SPAG16: variants seen among roughly 807,000 people sequenced by gnomAD.
The protein encoded by SPAG16 is sperm-associated antigen 16 protein.
SPAG16 carries 86 observed loss-of-function variants against 80.4 expected under a neutral mutation model. The ratio of observed to expected loss-of-function variants is 1.07; its 90% CI spans 0.90 to 1.28. The LOEUF (loss-of-function observed/expected upper bound fraction) is 1.28. Among genes scored for constraint, SPAG16 ranks in the 50% most tolerant of loss-of-function variants. The pLI is 0.00. For missense variants in SPAG16, 870 were observed against 765.3 expected, an observed-to-expected ratio of 1.14 and a Z score of -1.61; for synonymous variants, 294 against 265.9, an observed-to-expected ratio of 1.11 and a Z score of -1.03.
At chr2:213,347,582 T>C (rs537877875) in intron 6 of SPAG16, among the ~76,000 whole-genome samples, 8 of 152,344 alleles carry the variant, frequency 5.3e-5, no homozygotes, top group African/African-American at 1.4e-4. Context: ...TCTGGTATGT[T>C]GTATCTTTGT....
Position 214,013,991 on chromosome 2 carries a change from G to T in SPAG16, c.1441G>T (p.Val481Leu). ...TACTTTGTATGGACATACAGATTCT[G>T]TGAACAGCATTGAGTTTTTTCCTTT... is the stretch of plus-strand genomic sequence containing the variant. ...RCTLYGHTDSVNSIEFFPFSN... is the reference protein window; with the variant it reads ...RCTLYGHTDSLNSIEFFPFSN... The change falls in exon 13 of 16, where the codon GTG (valine) becomes TTG (leucine). Residue 481 changes from valine (V) to leucine (L), a missense_variant. Transcript: ENST00000331683. The T allele has an allele frequency of 6.2e-7, 1 of 1,613,504 alleles. No homozygotes were observed. The highest frequency in any genetic ancestry group is 8.5e-7 in the Non-Finnish European group (1 of 1,179,728).
intron 15 of SPAG16, among the ~76,000 whole-genome samples, chr2:214,221,453 A>G (rs72944072): frequency 0.031 from 4,704 of 152,230 alleles, 139 homozygotes; most frequent in Non-Finnish European, 0.041. Flanking sequence ...ACATAGACAC[A>G]TCCATTTTAT....
intron 15 of SPAG16, among the ~76,000 whole-genome samples, chr2:214,182,411 A>G (rs550616832): frequency 6.6e-6 from 1 of 151,992 alleles, no homozygotes; most frequent in African/African-American, 2.4e-5. Flanking sequence ...TGAATAATGA[A>G]CAGATGGACT....
At position 214,311,192 on chromosome 2, in the gene SPAG16, C is replaced by A. The variant is rs139670282; in HGVS notation, c.1721-98948C>A. 7.1e-3 allele frequency among the ~76,000 whole-genome samples: 1,080 copies of A among 152,206 alleles called. 10 individuals carry two copies. Among genetic ancestry groups the A allele is most frequent in the African/African-American group, 0.025 (1,043 of 41,534 alleles). On this transcript the variant is annotated intron_variant, in intron 15 of 15. Transcript: ENST00000331683. The stretch of plus-strand genomic sequence containing the variant: ...GAGGAGCGCTTTGGCAGTCTGCATT[C>A]CCCCTCTCTCCCTCTCTCTAGGGTC...
chr2:213,364,480 A>G lies in SPAG16; in HGVS notation c.832+335A>G, dbSNP rs1398748044. On this transcript the variant is annotated intron_variant, in intron 8 of 15. Coordinates refer to ENST00000331683, the MANE Select transcript of SPAG16 (RefSeq NM_024532.5). ...GAAAACAGACAGCTCAAGTAACAGA[A>G]GGCAATTGACAGAAGGAAAATTTAT... is the stretch of plus-strand genomic sequence containing the variant. The G allele has an allele frequency of 2.5e-5, 4 of 159,592 alleles. No individual in the cohort carries two copies. In the Admixed American group the frequency reaches 2.6e-4, roughly 10 times the overall value. 9.9% of individuals were successfully genotyped at this position (159,592 alleles called of 1,614,324 possible).
At chr2:213,945,305 GTA>G (rs946832314) in intron 12 of SPAG16, among the ~76,000 whole-genome samples, 9 of 140,174 alleles carry the variant, frequency 6.4e-5, no homozygotes, top group African/African-American at 1.9e-4. Context: ...ATATACACAA[GTA>G]TATATATGTG....
At chr2:213,319,828 G>T (rs576062433) in intron 5 of SPAG16, among the ~76,000 whole-genome samples, 46 of 152,052 alleles carry the variant, frequency 3.0e-4, no homozygotes, top group African/African-American at 1.1e-3. Flanking sequence ...TACTCATGCA[G>T]ATTATTAACT....
At chr2:213,933,838 C>T (rs890502656) in intron 12 of SPAG16, among the ~76,000 whole-genome samples, 4 of 152,166 alleles carry the variant, frequency 2.6e-5, no homozygotes, top group Admixed American at 1.3e-4. Flanking sequence ...TGTGGCATTG[C>T]GTTGCCTGGA....
intron 3 of SPAG16, among the ~76,000 whole-genome samples, chr2:213,304,771 T>A (rs1053175671): frequency 2.0e-5 from 3 of 152,226 alleles, no homozygotes; most frequent in African/African-American, 7.2e-5. Context: ...TTTTGTTTAC[T>A]ATAGCTCTGT....
chr2:213,816,270 A>T (rs1005244619), intron 10 of SPAG16, among the ~76,000 whole-genome samples: 2 of 152,160 alleles, frequency 1.3e-5, no homozygotes, highest in African/African-American at 4.8e-5. Flanking sequence ...TCTTGGCTGT[A>T]TAAGAATGCT....
chr2:213,860,162 G>A (rs555963075), intron 10 of SPAG16, among the ~76,000 whole-genome samples: 26 of 151,962 alleles, frequency 1.7e-4, no homozygotes, highest in African/African-American at 5.5e-4. Flanking sequence ...GGTCTTTATC[G>A]CTATGTCCCA....
chr2:214,366,754 A>C lies in SPAG16; in HGVS notation c.1721-43386A>C, dbSNP rs1401098377. On this transcript the variant is annotated intron_variant, in intron 15 of 15. Transcript: ENST00000331683. ...ACAGCAGGGAAAGGTAAATACACAAAGAGAAAGTAATGGAATTAAATGCCC... is the reference window on the plus strand; with the variant it reads ...ACAGCAGGGAAAGGTAAATACACAACGAGAAAGTAATGGAATTAAATGCCC... 7.9e-5 allele frequency among the ~76,000 whole-genome samples: 12 copies of C among 152,300 alleles called. No individual in the cohort carries two copies. The East Asian group carries it at 2.3e-3, about 29-fold the overall frequency.
chr2:214,095,439 G>A (rs71428323), intron 13 of SPAG16, among the ~76,000 whole-genome samples: 13,247 of 152,082 alleles, frequency 0.087, 753 homozygotes, highest in East Asian at 0.29. Context: ...TGTGGACTCT[G>A]TTGTTGTCAG....
chr2:214,000,406 A>G (rs2046738328), intron 12 of SPAG16, among the ~76,000 whole-genome samples: 2 of 152,308 alleles, frequency 1.3e-5, no homozygotes, highest in African/African-American at 2.4e-5. Context: ...TGTAAGTCCA[A>G]TGAAACCTCT....
At chr2:214,390,616 A>G (rs1279151484) in intron 15 of SPAG16, among the ~76,000 whole-genome samples, 2 of 152,144 alleles carry the variant, frequency 1.3e-5, no homozygotes, top group African/African-American at 2.4e-5. Context: ...AATTAGAACC[A>G]TAGTGGAGCA....
intron 13 of SPAG16, among the ~76,000 whole-genome samples, chr2:214,086,122 A>C (rs1009025666): frequency 6.6e-6 from 1 of 152,176 alleles, no homozygotes; most frequent in African/African-American, 2.4e-5. Context: ...TGCAGCCATC[A>C]CACCACTTAT....
rs150232971 is a variant in SPAG16 at position 214,025,797 on chromosome 2, G to C, written c.1527+11720G>C. On this transcript the variant is annotated intron_variant, in intron 13 of 15. Transcript: ENST00000331683. The stretch of plus-strand genomic sequence containing the variant: ...ATACTCAGGCATTTCATTCAATAAA[G>C]AAAATACTGTAAAAGAAGACAAGCT... 3.8e-3 allele frequency among the ~76,000 whole-genome samples: 576 copies of C among 151,316 alleles called. 4 individuals are homozygous for C. Among genetic ancestry groups the C allele is most frequent in the Middle Eastern group, 0.017 (5 of 294 alleles).
chr2:213,946,699 C>G (rs1575617981), intron 12 of SPAG16, among the ~76,000 whole-genome samples: 2 of 152,254 alleles, frequency 1.3e-5, no homozygotes, highest in East Asian at 3.9e-4. Context: ...TCAACAGTTT[C>G]TACATGCAGA....
intron 10 of SPAG16, among the ~76,000 whole-genome samples, chr2:213,832,931 A>G (rs1263342619): frequency 6.6e-6 from 1 of 152,062 alleles, no homozygotes; most frequent in Non-Finnish European, 1.5e-5. Context: ...TTCCACCTCT[A>G]CACTATCTCT....
Sources: gnomAD v4.1 joint callset for allele counts (sites outside exome capture counted in the v4.1 genomes callset) on GRCh38, gnomAD v4.1.1 for gene constraint, MANE v1.5 for transcripts, NCBI Gene and HGNC (gene_info 2026-07-23, HGNC 2026-07-21) for gene names.